Variants in CYRIB observed in about 807,000 individuals in gnomAD.
The protein encoded by CYRIB is CYFIP-related Rac1 interactor B.
Under a neutral mutation model 44.2 loss-of-function variants are expected in CYRIB, and 8 were observed. The observed-to-expected ratio is 0.18, with a 90% CI of 0.11 to 0.33. The LOEUF (loss-of-function observed/expected upper bound fraction) is 0.33. CYRIB is among the 10% of genes least tolerant of loss of function. The probability of loss-of-function intolerance (pLI) is 1.00; values close to 1 mark genes in which losing one functional copy is unlikely to be tolerated. For missense variants in CYRIB, 185 were observed against 382.8 expected, an observed-to-expected ratio of 0.48 and a Z score of 4.31; for synonymous variants, 131 against 127.2, an observed-to-expected ratio of 1.03 and a Z score of -0.20.
chr8:129,980,685 A>C (rs2096195671), intron 1 of CYRIB, among the ~76,000 whole-genome samples: 1 of 151,652 alleles, frequency 6.6e-6, no homozygotes, highest in African/African-American at 2.4e-5. Flanking sequence ...AAAGAAAAAA[A>C]AAACCATACT....
At chr8:129,846,415 T>G (rs552185747) in intron 11 of CYRIB, among the ~76,000 whole-genome samples, 133 of 152,368 alleles carry the variant, frequency 8.7e-4, no homozygotes, top group Non-Finnish European at 1.6e-3. Flanking sequence ...TATATGCTAA[T>G]AGTGGCTTAT....
At chr8:129,926,120 C>CA (rs2087570074) in intron 1 of CYRIB, among the ~76,000 whole-genome samples, 1 of 152,176 alleles carries the variant, frequency 6.6e-6, no homozygotes, top group African/African-American at 2.4e-5. Context: ...ACTCAGAATA[C>CA]AAGAGTTCCA....
Position 129,900,765 on chromosome 8 carries a change from C to T in CYRIB, c.-11+2547G>A, listed in dbSNP as rs529959890. 5.9e-5 allele frequency among the ~76,000 whole-genome samples: 9 copies of T among 152,240 alleles called. No individual in the cohort carries two copies. In the South Asian group the frequency reaches 8.3e-4, roughly 14 times the overall value. On this transcript the variant is annotated intron_variant, in intron 2 of 11. Transcript: ENST00000519824. ...CACGATCTAAGCTCATGGCAACCTCCGCCTCCCAGGCTCAAGCGGTTCTCG... is the reference window on the plus strand; with the variant it reads ...CACGATCTAAGCTCATGGCAACCTCTGCCTCCCAGGCTCAAGCGGTTCTCG...
chr8:129,884,873 C>T (rs1429080447), intron 2 of CYRIB, among the ~76,000 whole-genome samples: 1 of 152,116 alleles, frequency 6.6e-6, no homozygotes, highest in Non-Finnish European at 1.5e-5. Context: ...TTACTATGAG[C>T]CCTTACATTA....
chr8:129,971,966 T>C (rs578229921), intron 1 of CYRIB, among the ~76,000 whole-genome samples: 1 of 152,338 alleles, frequency 6.6e-6, no homozygotes, highest in South Asian at 2.1e-4. Flanking sequence ...CTCTTATTAT[T>C]GAATGGAAGA....
intron 3 of CYRIB, among the ~76,000 whole-genome samples, chr8:129,876,629 T>A (rs1220222074): frequency 6.6e-6 from 1 of 152,216 alleles, no homozygotes; most frequent in African/African-American, 2.4e-5. Context: ...TCCATTAAAT[T>A]ACATTTCAAA....
At chr8:129,856,327 C>G (rs538917459) in intron 5 of CYRIB, among the ~76,000 whole-genome samples, 27 of 152,226 alleles carry the variant, frequency 1.8e-4, no homozygotes, top group South Asian at 8.3e-4. Context: ...TATTCTAATT[C>G]ATTATGTGAG....
intron 1 of CYRIB, among the ~76,000 whole-genome samples, chr8:129,928,088 T>C (rs2089033808): frequency 6.6e-6 from 1 of 151,876 alleles, no homozygotes; most frequent in Non-Finnish European, 1.5e-5. Flanking sequence ...CAAAGATTTC[T>C]TAGATATGAC....
chr8:129,913,174 T>A (rs1051283505), intron 1 of CYRIB, among the ~76,000 whole-genome samples: 4 of 152,074 alleles, frequency 2.6e-5, no homozygotes, highest in Non-Finnish European at 5.9e-5. Context: ...GGTTTCACCG[T>A]GTTAGCCAGG....
At chr8:129,918,885 A>C (rs1011420854) in intron 1 of CYRIB, among the ~76,000 whole-genome samples, 5 of 152,258 alleles carry the variant, frequency 3.3e-5, no homozygotes, top group Admixed American at 1.3e-4. Flanking sequence ...AAGAGAGATA[A>C]GGAGAGGTCA....
intron 2 of CYRIB, among the ~76,000 whole-genome samples, chr8:129,970,218 T>C (rs2095637637): frequency 6.6e-6 from 1 of 152,124 alleles, no homozygotes; most frequent in Non-Finnish European, 1.5e-5. Flanking sequence ...GGCTGTACAG[T>C]ATTTTGCCAA....
At chr8:129,865,517 T>G (rs1308563525) in intron 4 of CYRIB, among the ~76,000 whole-genome samples, 1 of 152,246 alleles carries the variant, frequency 6.6e-6, no homozygotes, top group Non-Finnish European at 1.5e-5. Context: ...GAATTTAATC[T>G]ATTGTTTCAT....
At chr8:129,973,617 G>T (rs837230) in intron 1 of CYRIB, among the ~76,000 whole-genome samples, 2 of 151,984 alleles carry the variant, frequency 1.3e-5, no homozygotes, top group African/African-American at 4.8e-5. Context: ...TTCCTCTTTC[G>T]TCTCCTCTCA....
intron 2 of CYRIB, among the ~76,000 whole-genome samples, chr8:129,966,339 G>C (rs2095478758): frequency 6.6e-6 from 1 of 152,192 alleles, no homozygotes; most frequent in Non-Finnish European, 1.5e-5. Context: ...ACTCAGAATG[G>C]TGCCAAATGG....
intron 3 of CYRIB, among the ~76,000 whole-genome samples, chr8:129,875,231 C>A (rs563614186): frequency 6.7e-6 from 1 of 149,672 alleles, no homozygotes; most frequent in South Asian, 2.1e-4. Flanking sequence ...TAGGAAATTC[C>A]AACAACTAGA....
exon 5 of CYRIB, chr8:129,862,286 C>T: frequency 1.2e-6 from 2 of 1,613,828 alleles, no homozygotes; most frequent in Non-Finnish European, 1.7e-6. Context: ...GGAACAACTG[C>T]ACCCCATGCC....
At chr8:129,953,959 CA>C (rs1455696145) in intron 2 of CYRIB, among the ~76,000 whole-genome samples, 1 of 152,202 alleles carries the variant, frequency 6.6e-6, no homozygotes, top group South Asian at 2.1e-4. Context: ...TTTGAGGCTA[CA>C]AAAGGAAAGA....
chr8:129,997,227 G>A (rs891236264), intron 1 of CYRIB, among the ~76,000 whole-genome samples: 4 of 152,036 alleles, frequency 2.6e-5, no homozygotes, highest in Non-Finnish European at 4.4e-5. Flanking sequence ...TGGGGGCGAG[G>A]AGACACCACA....
At chr8:129,952,259 C>G (rs2094543067) in intron 2 of CYRIB, among the ~76,000 whole-genome samples, 1 of 152,118 alleles carries the variant, frequency 6.6e-6, no homozygotes. Flanking sequence ...TGGGGTTTCT[C>G]CATGTTGGTC....
Sources: allele counts gnomAD v4.1 joint callset (sites outside exome capture counted in the v4.1 genomes callset), GRCh38; gene constraint gnomAD v4.1.1; transcripts MANE v1.5; gene names NCBI Gene and HGNC (gene_info 2026-07-23, HGNC 2026-07-21).